PRKD1: variants seen among roughly 807,000 people sequenced by gnomAD.
The protein encoded by PRKD1 is serine/threonine-protein kinase D1.
In PRKD1, 63 loss-of-function variants were observed where a neutral mutation model predicts 95.9. That is an observed-to-expected ratio of 0.66 (90% CI 0.54 to 0.81). The LOEUF is 0.81. Among genes scored for constraint, PRKD1 ranks in the 30% least tolerant of loss-of-function variants. The pLI, the probability that PRKD1 is intolerant of heterozygous loss-of-function variation, is 0.00. For synonymous variants in PRKD1, 425 were observed against 423.1 expected (o/e 1.00, Z -0.05); for missense variants, 1,048 against 1,165.3 (o/e 0.90, Z 1.47).
At chr14:29,844,724 G>A (rs1487150370) in intron 1 of PRKD1, among the ~76,000 whole-genome samples, 5 of 152,086 alleles carry the variant, frequency 3.3e-5, no homozygotes, top group Admixed American at 1.3e-4. Flanking sequence ...TAATCAATAC[G>A]GAAGTTATTT....
intron 2 of PRKD1, among the ~76,000 whole-genome samples, chr14:29,711,236 T>G (rs1885321240): frequency 6.6e-6 from 1 of 152,178 alleles, no homozygotes; most frequent in Non-Finnish European, 1.5e-5. Flanking sequence ...TATAACATGT[T>G]AGAAAGTCCA....
chr14:29,895,231 C>A (rs147455034), intron 1 of PRKD1, among the ~76,000 whole-genome samples: 1 of 152,060 alleles, frequency 6.6e-6, no homozygotes. Flanking sequence ...GCAGGAGACT[C>A]GCTTGAACCC....
chr14:29,777,231 A>G (rs1352467023), intron 1 of PRKD1, among the ~76,000 whole-genome samples: 1 of 152,248 alleles, frequency 6.6e-6, no homozygotes, highest in African/African-American at 2.4e-5. Context: ...AAGAAACTGC[A>G]TCAACTAACA....
At chr14:29,878,341 CAAAAAAA>C (rs58074850) in intron 1 of PRKD1, among the ~76,000 whole-genome samples, 2 of 49,842 alleles carry the variant, frequency 4.0e-5, no homozygotes, top group Non-Finnish European at 9.6e-5. Flanking sequence ...GTTCTAATGA[CAAAAAAA>C]AAAAAAAAAA....
intron 1 of PRKD1, among the ~76,000 whole-genome samples, chr14:29,797,940 C>T (rs1889883721): frequency 1.3e-5 from 2 of 152,162 alleles, no homozygotes; most frequent in Non-Finnish European, 2.9e-5. Context: ...AGACCCAACC[C>T]ATATATACCA....
chr14:29,589,243 C>T (rs902032931), intron 16 of PRKD1, among the ~76,000 whole-genome samples: 2 of 152,176 alleles, frequency 1.3e-5, no homozygotes, highest in Non-Finnish European at 2.9e-5. Context: ...TCCAATCCGT[C>T]GCTACAGGTC....
chr14:29,594,334 A>G (rs1893227260), intron 16 of PRKD1, among the ~76,000 whole-genome samples: 1 of 152,176 alleles, frequency 6.6e-6, no homozygotes, highest in Admixed American at 6.5e-5. Flanking sequence ...GGAATCCTGC[A>G]CATCGTTTTT....
At chr14:29,578,190 T>G in intron 17 of PRKD1, 85 bp downstream of exon 17, 1 of 1,088,454 alleles carries the variant, frequency 9.2e-7, no homozygotes, top group Non-Finnish European at 1.3e-6. Flanking sequence ...ACTTTAAAAA[T>G]TATTGCAAAA....
chr14:29,714,243 T>C (rs1478280645), intron 2 of PRKD1, among the ~76,000 whole-genome samples: 1 of 152,130 alleles, frequency 6.6e-6, no homozygotes, highest in Non-Finnish European at 1.5e-5. Flanking sequence ...GGTGATATAG[T>C]GAACAATTTC....
intron 1 of PRKD1, among the ~76,000 whole-genome samples, chr14:29,861,024 C>T (rs1357433568): frequency 6.6e-6 from 1 of 152,116 alleles, no homozygotes; most frequent in Admixed American, 6.5e-5. Flanking sequence ...ATGGACCTCC[C>T]CTTCCATTAC....
At chr14:29,856,515 C>T (rs1892510455) in intron 1 of PRKD1, among the ~76,000 whole-genome samples, 1 of 152,112 alleles carries the variant, frequency 6.6e-6, no homozygotes, top group Admixed American at 6.6e-5. Context: ...GAAGGAAATA[C>T]AAATAGATAA....
intron 4 of PRKD1, among the ~76,000 whole-genome samples, chr14:29,661,634 C>T (rs1177699836): frequency 1.3e-5 from 2 of 152,094 alleles, no homozygotes; most frequent in Non-Finnish European, 2.9e-5. Flanking sequence ...CAAGTAGGCA[C>T]CCCATAAGGA....
intron 14 of PRKD1, 34 bp from the exon 15 acceptor site, chr14:29,599,159 T>G: frequency 1.3e-6 from 2 of 1,562,826 alleles, no homozygotes; most frequent in Non-Finnish European, 1.8e-6. Context: ...TTCATTCCAG[T>G]TTATTAATTT....
At chr14:29,782,000 T>A (rs147262817) in intron 1 of PRKD1, among the ~76,000 whole-genome samples, 424 of 152,340 alleles carry the variant, frequency 2.8e-3, no homozygotes, top group Admixed American at 8.8e-3. Context: ...AGAATATCCA[T>A]ATTACATGTA....
intron 1 of PRKD1, among the ~76,000 whole-genome samples, chr14:29,796,686 T>C (rs1020282365): frequency 6.6e-6 from 1 of 152,004 alleles, no homozygotes; most frequent in African/African-American, 2.4e-5. Context: ...TCTGGATAGG[T>C]CAAGTAAGAT....
intron 4 of PRKD1, among the ~76,000 whole-genome samples, chr14:29,649,897 C>A (rs1312738607): frequency 6.6e-6 from 1 of 152,142 alleles, no homozygotes; most frequent in Non-Finnish European, 1.5e-5. Context: ...CCTGGTTGGC[C>A]TTACGCTTTG....
intron 2 of PRKD1, among the ~76,000 whole-genome samples, chr14:29,674,664 G>A (rs781622767): frequency 1.3e-4 from 20 of 152,166 alleles, no homozygotes; most frequent in Admixed American, 2.0e-4. Context: ...AAGCTCCATC[G>A]TGTACAGGAG....
intron 1 of PRKD1, among the ~76,000 whole-genome samples, chr14:29,843,516 G>C (rs1566632080): frequency 6.6e-6 from 1 of 152,190 alleles, no homozygotes; most frequent in Non-Finnish European, 1.5e-5. Flanking sequence ...GGTAAAGTTA[G>C]AGATTCTTTT....
intron 2 of PRKD1, among the ~76,000 whole-genome samples, chr14:29,695,418 T>G (rs1884459710): frequency 6.6e-6 from 1 of 152,152 alleles, no homozygotes; most frequent in Non-Finnish European, 1.5e-5. Flanking sequence ...TGATGCTGAC[T>G]TGGACCAGGG....
Sources: gnomAD v4.1 joint callset for allele counts (sites outside exome capture counted in the v4.1 genomes callset) on GRCh38, gnomAD v4.1.1 for gene constraint, MANE v1.5 for transcripts, NCBI Gene and HGNC (gene_info 2026-07-23, HGNC 2026-07-21) for gene names.